Variants in CATSPERG observed in about 807,000 individuals in gnomAD.
CATSPERG encodes the protein catsper channel auxiliary subunit gamma, also known as cation channel sperm-associated auxiliary subunit gamma.
A neutral mutation model predicts 145.0 loss-of-function variants in CATSPERG; 115 were observed. The observed-to-expected ratio is 0.79, with a 90% confidence interval of 0.68 to 0.93. CATSPERG has a LOEUF of 0.93. CATSPERG is among the 40% of genes least tolerant of loss of function. The probability of loss-of-function intolerance (pLI) is 0.00; values close to 1 mark genes in which losing one functional copy is unlikely to be tolerated. For synonymous variants in CATSPERG, 588 were observed against 589.0 expected (o/e 1.00, Z 0.02); for missense variants, 1,296 against 1,490.1 (o/e 0.87, Z 2.14).
rs1332846608 is a variant in CATSPERG at position 38,359,640 on chromosome 19, C to T, written c.1608+59C>T. The T allele has an allele frequency of 4.5e-6, 7 of 1,546,072 alleles. No individual in the cohort carries two copies. The East Asian group carries it at 1.7e-4, about 37-fold the overall frequency. ...CTGCCCACCCCCAAACCCCAGGGGC[C>T]CCTCTTTCCCCCGTCACAGTAAAGG... On this transcript the variant is annotated intron_variant, in intron 14 of 28. Coordinates refer to ENST00000409235, the MANE Select transcript of CATSPERG (RefSeq NM_021185.5).
intron 22 of CATSPERG, chr19:38,366,187 A>T (rs1970445969): frequency 1.3e-5 from 2 of 152,276 alleles, no homozygotes; most frequent in African/African-American, 4.8e-5. Context: ...TGAGGCTCAG[A>T]GAGGTGCAGA....
At chr19:38,361,897 G>A (rs200670833) in intron 17 of CATSPERG, 36 bp downstream of exon 17, 2 of 1,559,316 alleles carry the variant, frequency 1.3e-6, no homozygotes, top group Admixed American at 1.9e-5. Context: ...GGCCTGAGAC[G>A]GGACTGGGGC....
At chr19:38,350,627 T>C (rs974655554) in intron 7 of CATSPERG, among the ~76,000 whole-genome samples, 3 of 152,140 alleles carry the variant, frequency 2.0e-5, no homozygotes, top group African/African-American at 7.2e-5. Flanking sequence ...AATCCACCTG[T>C]CTAAGCCTCC....
intron 8 of CATSPERG, among the ~76,000 whole-genome samples, chr19:38,353,708 A>AG (rs1970190931): frequency 2.0e-5 from 3 of 148,388 alleles, no homozygotes; most frequent in South Asian, 4.3e-4. Context: ...AAAAAAAAAA[A>AG]AAAAAAGAAA....
chr19:38,358,034 C>CAGAAG (rs1970276987), intron 11 of CATSPERG: 2 of 508,292 alleles, frequency 3.9e-6, no homozygotes, highest in African/African-American at 3.8e-5. Flanking sequence ...GGGAGGATCA[C>CAGAAG]TTGAACCGAG....
Position 38,358,304 on chromosome 19 carries a change from C to T in CATSPERG, c.1342C>T (p.His448Tyr). ...TASDDLELLYHIPEFIPEARG... is the reference protein window; with the variant it reads ...TASDDLELLYYIPEFIPEARG... The stretch of plus-strand genomic sequence containing the variant: ...TAGTGATGACCTGGAACTTCTCTAC[C>T]ACATCCCAGAATTCATCCCTGAAGG... Residue 448 changes from histidine to tyrosine, a missense_variant, in exon 12 of 29, where the codon CAC becomes TAC. By Grantham distance (83) the His-to-Tyr change is moderately conservative. Transcript: ENST00000409235. 2 of 1,614,194 alleles carry T rather than the reference C, an allele frequency of 1.2e-6. No homozygotes were observed. The highest frequency in any genetic ancestry group is 1.7e-6 in the Non-Finnish European group (2 of 1,180,036).
In CATSPERG at chr19:38,344,901, A is replaced by AT. The variant is rs1158525255; in HGVS notation, c.669+556dup. Among the ~76,000 whole-genome samples, 146 of 80,008 alleles carry AT rather than the reference A, an allele frequency of 1.8e-3. 18 individuals carry two copies. The highest frequency in any genetic ancestry group is 7.2e-3 in the East Asian group (14 of 1,958). 52.5% of individuals were successfully genotyped at this position (80,008 alleles called of 152,430 possible). ...CACACACATATATATATATATATAT[A>AT]TTTTTTTTTTTTTTTTTTTTTTTGA... is the stretch of plus-strand genomic sequence containing the variant. On this transcript the variant is annotated intron_variant, in intron 6 of 28. Transcript: ENST00000409235.
chr19:38,355,886 C>T (rs545425587), intron 9 of CATSPERG, among the ~76,000 whole-genome samples: 1 of 152,136 alleles, frequency 6.6e-6, no homozygotes, highest in Non-Finnish European at 1.5e-5. Context: ...TGGAGAGAGA[C>T]TGCTCCATCA....
intron 26 of CATSPERG, 111 bp downstream of exon 26, chr19:38,368,248 C>G (rs1970490010): frequency 4.7e-6 from 4 of 844,082 alleles, no homozygotes; most frequent in Middle Eastern, 4.5e-4. Context: ...CACTGACTGC[C>G]TTTGTGTTAC....
intron 9 of CATSPERG, 79 bp from the exon 10 acceptor site, chr19:38,356,405 G>T: frequency 7.7e-7 from 1 of 1,305,570 alleles, no homozygotes; most frequent in South Asian, 1.2e-5. Context: ...TGGGCATAAG[G>T]AGGGCAATCG....
Position 38,343,690 on chromosome 19 carries a change from G to A in CATSPERG, c.435G>A (p.Gln145=). The A allele has an allele frequency of 6.4e-7, 1 of 1,550,672 alleles. No individual in the cohort carries two copies. The highest frequency in any genetic ancestry group is 2.4e-5 in the East Asian group (1 of 40,916). Residue 145 remains glutamine, a synonymous_variant, in exon 4 of 29, where the codon CAG becomes CAA. Coordinates refer to ENST00000409235, the MANE Select transcript of CATSPERG (RefSeq NM_021185.5). ...ACCGCTGGAAGATAGAGCAGCTGCA[G>A]ATCCAGATGGAGGCTGCCCCCTTCC... The part of the protein sequence containing the change: ...NFYRWKIEQL[Q]IQMEAAPFRS...
At chr19:38,357,689 C>T (rs1323140921) in intron 11 of CATSPERG, among the ~76,000 whole-genome samples, 3 of 152,186 alleles carry the variant, frequency 2.0e-5, no homozygotes, top group Non-Finnish European at 4.4e-5. Context: ...CGGCGGCTCA[C>T]GCCTGTAATC....
Position 38,354,721 on chromosome 19 carries a change from C to T in CATSPERG, c.1009C>T (p.Arg337Cys), listed in dbSNP as rs1970212287. The change falls in exon 9 of 29, where the codon CGT (arginine) becomes TGT (cysteine). Residue 337 changes from arginine (R) to cysteine (C), a missense_variant. Coordinates refer to ENST00000409235, the MANE Select transcript of CATSPERG (RefSeq NM_021185.5). ...ACTGACTTCACTAGGCAGTTGGATT[C>T]GTGTCCTGGCCAGCGAGTGCATCAA... ...ERNRGSGSWI[R>C]VLASECIKKL... 3.1e-6 allele frequency: 5 copies of T among 1,614,028 alleles called. No individual in the cohort carries two copies. The highest frequency in any genetic ancestry group is 4.5e-5 in the East Asian group (2 of 44,888).
rs1032869172 is a variant in CATSPERG at position 38,354,055 on chromosome 19, G to A, written c.998-655G>A. On this transcript the variant is annotated intron_variant, in intron 8 of 28. Transcript: ENST00000409235. ...TCTCTTATTTCTTCCAGTTTCTCCC[G>A]CCATCTCAGTGAGAACTGTCAGCTT... is the stretch of plus-strand genomic sequence containing the variant. Among the ~76,000 whole-genome samples, 39 of 135,400 alleles carry A rather than the reference G, an allele frequency of 2.9e-4. 1 individual carries two copies. In the Middle Eastern group the frequency reaches 0.012, roughly 41 times the overall value. 88.8% of individuals were successfully genotyped at this position (135,400 alleles called of 152,430 possible).
In CATSPERG at chr19:38,370,259, G is replaced by T. The variant is rs1970523330; in HGVS notation, c.3213+1G>T. 1 of 1,612,618 alleles carries T rather than the reference G, an allele frequency of 6.2e-7. No individual in the cohort carries two copies. Among genetic ancestry groups the T allele is most frequent in the Non-Finnish European group, 8.5e-7 (1 of 1,179,882 alleles). ...CAAGCGGGCCCTTTTCATCATCATG[G>T]TGAGTGGCTGTCCGGGAGCTGCCCT... On this transcript the variant is annotated splice_donor_variant, in intron 28 of 28. Transcript: ENST00000409235. LOFTEE classifies it high-confidence loss of function.
intron 21 of CATSPERG, 24 bp downstream of exon 21, chr19:38,364,995 G>T: frequency 2.5e-6 from 4 of 1,613,500 alleles, no homozygotes; most frequent in Non-Finnish European, 2.5e-6. Flanking sequence ...CTGGAGGGGA[G>T]GGTGCAGGAT....
chr19:38,367,421 CG>C (rs1455288827), intron 23 of CATSPERG, 87 bp from the exon 24 acceptor site: 1 of 1,552,784 alleles, frequency 6.4e-7, no homozygotes, highest in African/African-American at 1.4e-5. Flanking sequence ...CTTTTTCCTG[CG>C]GCATCTCACT....
Position 38,356,811 on chromosome 19 carries a change from G to A in CATSPERG, c.1265G>A (p.Ser422Asn). The A allele has an allele frequency of 1.2e-6, 2 of 1,614,196 alleles. No individual in the cohort carries two copies. Among genetic ancestry groups the A allele is most frequent in the Non-Finnish European group, 1.7e-6 (2 of 1,180,034 alleles). Residue 422 changes from serine to asparagine, a missense_variant, in exon 11 of 29, where the codon AGT becomes AAT. Transcript: ENST00000409235. Reference protein sequence around the residue: ...GEYTLLLLVESGYGNASKRFQ... With the variant: ...GEYTLLLLVENGYGNASKRFQ... ...TATACTCTACTGCTGCTGGTGGAGA[G>A]TGGATATGGTAATGCAAGTAAACGT...
chr19:38,362,824 C>T lies in CATSPERG; in HGVS notation c.2467C>T (p.Leu823=). The T allele has an allele frequency of 6.3e-7, 1 of 1,594,222 alleles. No homozygotes were observed. ...GGTCCTGATTAATCGCAACTCGGTG[C>T]TATTTTCGGTGAGGCCCCCCGGGGA... ...QEVLINRNSV[L]FSITLKDKKL... Residue 823 remains leucine (L), a synonymous_variant, in exon 20 of 29, where the codon CTA becomes TTA. Transcript: ENST00000409235.
Sources: allele counts gnomAD v4.1 joint callset (sites outside exome capture counted in the v4.1 genomes callset), GRCh38; gene constraint gnomAD v4.1.1; transcripts MANE v1.5; gene names NCBI Gene and HGNC (gene_info 2026-07-23, HGNC 2026-07-21).